Variants in KCTD19 observed in about 807,000 individuals in gnomAD.
KCTD19 encodes the protein BTB/POZ domain-containing protein KCTD19.
Under a neutral mutation model 103.5 loss-of-function variants are expected in KCTD19, and 67 were observed. The ratio of observed to expected loss-of-function variants is 0.65; its 90% CI spans 0.53 to 0.79. The LOEUF (loss-of-function observed/expected upper bound fraction) is 0.79, where lower values mean the gene tolerates loss of function less well. KCTD19 is among the 30% of genes least tolerant of loss of function. The pLI is 0.00. For missense variants in KCTD19, 980 were observed against 1,136.1 expected (o/e 0.86, Z 1.98); for synonymous variants, 439 against 452.2 (o/e 0.97, Z 0.37).
chr16:67,308,935 C>T (rs571937008), intron 2 of KCTD19, among the ~76,000 whole-genome samples: 6 of 152,010 alleles, frequency 3.9e-5, no homozygotes, highest in African/African-American at 7.3e-5. Flanking sequence ...GAGTTTGAGA[C>T]GAGCCTGGCC....
At chr16:67,322,513 T>G (rs1205001966) in intron 1 of KCTD19, among the ~76,000 whole-genome samples, 1 of 152,146 alleles carries the variant, frequency 6.6e-6, no homozygotes, top group Non-Finnish European at 1.5e-5. Flanking sequence ...TTAGCCAGCA[T>G]GGTCTCGATC....
At chr16:67,302,070 C>T in intron 4 of KCTD19, 148 bp from the exon 5 acceptor site, 1 of 687,516 alleles carries the variant, frequency 1.5e-6, no homozygotes, top group Admixed American at 2.6e-5. Flanking sequence ...ATTAGATTAG[C>T]TTTGAGTGTG....
chr16:67,317,006 A>T (rs1163820653), intron 2 of KCTD19, among the ~76,000 whole-genome samples: 1 of 152,184 alleles, frequency 6.6e-6, no homozygotes, highest in Non-Finnish European at 1.5e-5. Context: ...TTCTGAGTAG[A>T]ATATGCATTT....
chr16:67,312,165 G>A (rs1266436743), intron 2 of KCTD19, among the ~76,000 whole-genome samples: 1 of 152,194 alleles, frequency 6.6e-6, no homozygotes, highest in Non-Finnish European at 1.5e-5. Context: ...GGAAACATAA[G>A]TAGCATGTCC....
In KCTD19 at chr16:67,298,000, T is replaced by C. The variant is rs569475813; in HGVS notation, c.987-337A>G. Among the ~76,000 whole-genome samples, 10 of 145,172 alleles carry C rather than the reference T, an allele frequency of 6.9e-5. No individual in the cohort carries two copies. In the South Asian group the frequency reaches 2.2e-3, roughly 32 times the overall value. On this transcript the variant is annotated intron_variant, in intron 6 of 15. Transcript: ENST00000304372. Reference sequence around the variant, plus strand: ...AGAGACGGGGTTTCTTTTTTTTTTTTTTTCTTTTTTTGAGACGGAGTCTAA... The same window carrying C: ...AGAGACGGGGTTTCTTTTTTTTTTTCTTTCTTTTTTTGAGACGGAGTCTAA...
rs997986285 is a variant in KCTD19 at position 67,289,510 on chromosome 16, A to G, written c.*59T>C. 1.1e-5 allele frequency: 11 copies of G among 978,726 alleles called. No individual in the cohort carries two copies. In the East Asian group the frequency reaches 1.2e-4, roughly 11 times the overall value. 60.6% of individuals were successfully genotyped at this position (978,726 alleles called of 1,614,324 possible). ...CTGATGGGCACATGCATTCTGGGCTATCTCCAATTAAAATGAGACTTGGCG... is the reference window on the plus strand; with the variant it reads ...CTGATGGGCACATGCATTCTGGGCTGTCTCCAATTAAAATGAGACTTGGCG... On this transcript the variant is annotated 3_prime_UTR_variant, in exon 16 of 16. Coordinates refer to ENST00000304372, the MANE Select transcript of KCTD19 (RefSeq NM_001100915.3).
At chr16:67,309,738 C>T (rs1447433410) in intron 2 of KCTD19, among the ~76,000 whole-genome samples, 1 of 152,116 alleles carries the variant, frequency 6.6e-6, no homozygotes, top group Non-Finnish European at 1.5e-5. Flanking sequence ...AAATCCCTGC[C>T]CAGGACAACA....
chr16:67,298,751 T>C (rs2036797835), intron 6 of KCTD19, among the ~76,000 whole-genome samples: 2 of 152,256 alleles, frequency 1.3e-5, no homozygotes, highest in African/African-American at 4.8e-5. Flanking sequence ...CCTTCCATTT[T>C]GGTGCCAGTC....
chr16:67,294,853 G>A lies in KCTD19; in HGVS notation c.1475+120C>T. 3 of 977,324 alleles carry A rather than the reference G, an allele frequency of 3.1e-6. No homozygotes were observed. In the South Asian group the frequency reaches 4.3e-5, roughly 14 times the overall value. The allele number at this position is 977,324 out of a possible 1,614,324, so 60.5% of individuals were successfully genotyped here. A position where few individuals can be genotyped will look rare whatever the true frequency, so the allele number is the denominator to read the frequency against. ...TAGGTCACTGGCCAATCCTGGGCCT[G>A]CTTCACTCCCTCAACCCCAAGGAGA... is the stretch of plus-strand genomic sequence containing the variant. On this transcript the variant is annotated intron_variant, in intron 10 of 15. Transcript: ENST00000304372.
intron 7 of KCTD19, among the ~76,000 whole-genome samples, chr16:67,297,199 C>T (rs888026022): frequency 1.3e-5 from 2 of 152,174 alleles, no homozygotes; most frequent in African/African-American, 4.8e-5. Flanking sequence ...AGGCTCCTCC[C>T]TGCATGGCTG....
chr16:67,317,997 G>A (rs923708979), intron 2 of KCTD19, among the ~76,000 whole-genome samples: 2 of 152,214 alleles, frequency 1.3e-5, no homozygotes, highest in African/African-American at 4.8e-5. Context: ...GAAAGTGGTG[G>A]AAATGTGTGA....
intron 13 of KCTD19, 87 bp downstream of exon 13, chr16:67,291,559 C>A: frequency 6.4e-7 from 1 of 1,565,588 alleles, no homozygotes; most frequent in South Asian, 1.2e-5. Context: ...CCCCCAGGGG[C>A]CACTGTCTCT....
chr16:67,301,565 T>C (rs2036834361), intron 5 of KCTD19, among the ~76,000 whole-genome samples: 1 of 152,078 alleles, frequency 6.6e-6, no homozygotes, highest in African/African-American at 2.4e-5. Context: ...TCTACACCCC[T>C]GGCTGGTTGC....
Position 67,290,853 on chromosome 16 carries a change from G to T in KCTD19, c.2667+32C>A, listed in dbSNP as rs552684222. 18 of 1,577,956 alleles carry T rather than the reference G, an allele frequency of 1.1e-5. No homozygotes were observed. In the East Asian group the frequency reaches 3.9e-4, roughly 34 times the overall value. The stretch of plus-strand genomic sequence containing the variant: ...TCCATCTGAGGCATCCACAGGGTCG[G>T]TGGATTCCCAGGGATTGCAAGTGGC... On this transcript the variant is annotated intron_variant, in intron 15 of 15. Transcript: ENST00000304372.
At chr16:67,294,247 T>A in intron 11 of KCTD19, 76 bp from the exon 12 acceptor site, 1 of 1,443,350 alleles carries the variant, frequency 6.9e-7, no homozygotes, top group Admixed American at 2.0e-5. Flanking sequence ...TCTAATAAGC[T>A]GGGCCTCCAA....
intron 1 of KCTD19, among the ~76,000 whole-genome samples, chr16:67,321,372 A>G (rs1270395959): frequency 1.3e-5 from 2 of 152,254 alleles, no homozygotes; most frequent in Admixed American, 6.5e-5. Flanking sequence ...CAAAAGAATG[A>G]AATACATGTG....
intron 1 of KCTD19, among the ~76,000 whole-genome samples, chr16:67,322,421 C>A (rs1402860126): frequency 6.6e-6 from 1 of 151,958 alleles, no homozygotes; most frequent in Non-Finnish European, 1.5e-5. Context: ...GCCTCAGCCT[C>A]CTGAGTAGCT....
chr16:67,325,879 T>TC (rs1397349709), intron 1 of KCTD19: 1 of 148,480 alleles, frequency 6.7e-6, no homozygotes, highest in Non-Finnish European at 1.5e-5. Flanking sequence ...CTGATCCTTC[T>TC]CCCCCGAAGA....
chr16:67,303,108 C>CGGGGGGGGGGGGGGGGG lies in KCTD19; in HGVS notation c.643+37_643+38insCCCCCCCCCCCCCCCCC. ...ATGGGGAGGGGTGAATGGGCCCTAT[C>CGGGGGGGGGGGGGGGGG]AGCCCGCCCCCCACCCCACCCCGGA... is the stretch of plus-strand genomic sequence containing the variant. On this transcript the variant is annotated intron_variant, in intron 4 of 15. Transcript: ENST00000304372. The surrounding 1 kb of genome is among the most constrained non-coding windows in gnomAD (Gnocchi z 4.3). 2 of 798,078 alleles carry CGGGGGGGGGGGGGGGGG rather than the reference C, an allele frequency of 2.5e-6. No homozygotes were observed. The highest frequency in any genetic ancestry group is 4.2e-6 in the Non-Finnish European group (2 of 476,660). The allele number at this position is 798,078 out of a possible 1,614,324, so 49.4% of individuals were successfully genotyped here. A position where few individuals can be genotyped will look rare whatever the true frequency, so the allele number is the denominator to read the frequency against.
Sources: allele counts gnomAD v4.1 joint callset (sites outside exome capture counted in the v4.1 genomes callset), GRCh38; gene constraint gnomAD v4.1.1; non-coding constraint Gnocchi (gnomAD v3.1); transcripts MANE v1.5; gene names NCBI Gene and HGNC (gene_info 2026-07-23, HGNC 2026-07-21).